GABRA5: variants seen among roughly 807,000 people sequenced by gnomAD.
The protein encoded by GABRA5 is gamma-aminobutyric acid type A receptor subunit alpha5.
In GABRA5, 18 loss-of-function variants were observed where a neutral mutation model predicts 47.3. That is an observed-to-expected ratio of 0.38 (90% CI 0.26 to 0.56). The LOEUF (loss-of-function observed/expected upper bound fraction) is 0.56. GABRA5 is among the 20% of genes least tolerant of loss of function. The pLI, the probability that GABRA5 is intolerant of heterozygous loss-of-function variation, is 0.71. For synonymous variants in GABRA5, 237 were observed against 229.3 expected (o/e 1.03, Z -0.30); for missense variants, 365 against 599.3 (o/e 0.61, Z 4.08).
chr15:26,902,676 T>A (rs1238712160), intron 6 of GABRA5, among the ~76,000 whole-genome samples: 1 of 152,126 alleles, frequency 6.6e-6, no homozygotes, highest in East Asian at 1.9e-4. Context: ...TTCAGTATAA[T>A]GTGGAAAGGG....
intron 7 of GABRA5, among the ~76,000 whole-genome samples, chr15:26,920,312 G>C (rs181420237): frequency 3.4e-4 from 51 of 150,346 alleles, no homozygotes; most frequent in African/African-American, 9.3e-4. Context: ...TCTTCTTCTT[G>C]CTCCTCTGAC....
At chr15:26,938,946 A>C (rs1429358740) in intron 8 of GABRA5, among the ~76,000 whole-genome samples, 1 of 152,206 alleles carries the variant, frequency 6.6e-6, no homozygotes, top group African/African-American at 2.4e-5. Context: ...TCAGACTCTA[A>C]TGTCCCAACA....
intron 6 of GABRA5, among the ~76,000 whole-genome samples, chr15:26,913,405 C>T (rs1357435671): frequency 1.3e-5 from 2 of 152,126 alleles, no homozygotes; most frequent in Non-Finnish European, 2.9e-5. Context: ...ATTGACTCCT[C>T]AGTCTGCAAT....
In GABRA5 at chr15:26,939,935, A is replaced by C. The variant is rs758442427; in HGVS notation, c.735A>C (p.Thr245=). 8 of 1,613,998 alleles carry C rather than the reference A, an allele frequency of 5.0e-6. No individual in the cohort carries two copies. In the East Asian group the frequency reaches 6.7e-5, roughly 13 times the overall value. The part of the protein sequence containing the change: ...ENISTSTGEY[T]IMTAHFHLKR... Reference sequence around the variant, plus strand: ...TTTGCTTATTTGCAGGCGAATACACAATCATGACAGCTCACTTCCACCTGA... The same window carrying C: ...TTTGCTTATTTGCAGGCGAATACACCATCATGACAGCTCACTTCCACCTGA... The change falls in exon 9 of 11, where the codon ACA becomes ACC. Residue 245 remains threonine (T), a synonymous_variant. Coordinates refer to ENST00000335625, the MANE Select transcript of GABRA5 (RefSeq NM_000810.4).
At chr15:26,911,165 G>A (rs1219852057) in intron 6 of GABRA5, among the ~76,000 whole-genome samples, 1 of 76,076 alleles carries the variant, frequency 1.3e-5, no homozygotes, top group Non-Finnish European at 2.8e-5. Flanking sequence ...ACTTTCCTGA[G>A]GTTTAGAATT....
chr15:26,899,874 T>A (rs1334626984), intron 6 of GABRA5, among the ~76,000 whole-genome samples: 1 of 152,150 alleles, frequency 6.6e-6, no homozygotes, highest in Non-Finnish European at 1.5e-5. Flanking sequence ...AAGTATTTAG[T>A]CCATTTACAT....
At chr15:26,894,355 C>T (rs1395612242) in intron 6 of GABRA5, among the ~76,000 whole-genome samples, 1 of 152,182 alleles carries the variant, frequency 6.6e-6, no homozygotes, top group East Asian at 1.9e-4. Context: ...CGCGCCTGCA[C>T]CCAGCGTCTG....
chr15:26,919,048 C>T (rs1893780580), intron 7 of GABRA5, among the ~76,000 whole-genome samples: 2 of 152,070 alleles, frequency 1.3e-5, no homozygotes, highest in Non-Finnish European at 1.5e-5. Context: ...GAGGATGAGG[C>T]AGAAGGATCA....
chr15:26,874,351 A>G (rs1318399789), intron 3 of GABRA5, among the ~76,000 whole-genome samples: 2 of 152,124 alleles, frequency 1.3e-5, no homozygotes, highest in Non-Finnish European at 2.9e-5. Flanking sequence ...AATTTACACA[A>G]AATTCTTGAT....
At chr15:26,904,511 T>G (rs1054818309) in intron 6 of GABRA5, among the ~76,000 whole-genome samples, 1 of 152,126 alleles carries the variant, frequency 6.6e-6, no homozygotes, top group African/African-American at 2.4e-5. Context: ...ATGTCATTGG[T>G]AGGTTGATAG....
chr15:26,946,387 CCTCT>C (rs561563565), intron 10 of GABRA5, among the ~76,000 whole-genome samples: 8 of 151,778 alleles, frequency 5.3e-5, no homozygotes, highest in East Asian at 3.9e-4. Flanking sequence ...CCACCTGTCA[CCTCT>C]CTCTCTATCT....
intron 1 of GABRA5, chr15:26,868,103 A>G (rs1892367186): frequency 6.6e-6 from 1 of 151,742 alleles, no homozygotes; most frequent in Non-Finnish European, 1.5e-5. Flanking sequence ...GGCCCTGGTG[A>G]GCCTCTGTGG....
rs566358744 is a variant in GABRA5 at position 26,897,045 on chromosome 15, C to G, written c.497+13488C>G. Reference sequence around the variant, plus strand: ...TGTAGAGATGTAGATTTTTACATCTCTAGATGTAAACACATTTACAACACA... The same window carrying G: ...TGTAGAGATGTAGATTTTTACATCTGTAGATGTAAACACATTTACAACACA... On this transcript the variant is annotated intron_variant, in intron 6 of 10. Coordinates refer to ENST00000335625, the MANE Select transcript of GABRA5 (RefSeq NM_000810.4). Among the ~76,000 whole-genome samples the G allele has an allele frequency of 2.0e-5, 3 of 150,600 alleles. No individual in the cohort carries two copies. In the East Asian group the frequency reaches 5.9e-4, roughly 29 times the overall value.
chr15:26,919,553 A>G (rs1893795092), intron 7 of GABRA5, among the ~76,000 whole-genome samples: 1 of 152,078 alleles, frequency 6.6e-6, no homozygotes, highest in Admixed American at 6.5e-5. Flanking sequence ...ATCCATTTAT[A>G]TTGTGCATCA....
chr15:26,945,950 A>C (rs1446330108), intron 10 of GABRA5, among the ~76,000 whole-genome samples: 1 of 152,048 alleles, frequency 6.6e-6, no homozygotes, highest in African/African-American at 2.4e-5. Flanking sequence ...ACTCACATGT[A>C]TGGATTTCTT....
chr15:26,895,453 G>T (rs897773193), intron 6 of GABRA5, among the ~76,000 whole-genome samples: 1 of 152,012 alleles, frequency 6.6e-6, no homozygotes, highest in Non-Finnish European at 1.5e-5. Context: ...TGTGACTTGG[G>T]AGAAGTTATC....
At chr15:26,912,121 C>T (rs977100614) in intron 6 of GABRA5, among the ~76,000 whole-genome samples, 7 of 152,160 alleles carry the variant, frequency 4.6e-5, no homozygotes, top group African/African-American at 4.8e-5. Flanking sequence ...AGGCCACAGG[C>T]GATCGCAAAG....
chr15:26,947,384 G>A (rs1894535944), intron 10 of GABRA5, among the ~76,000 whole-genome samples: 1 of 151,760 alleles, frequency 6.6e-6, no homozygotes, highest in African/African-American at 2.4e-5. Context: ...CCCAATGTCT[G>A]TTGTTCCTCT....
intron 6 of GABRA5, among the ~76,000 whole-genome samples, chr15:26,899,016 C>T (rs1379649005): frequency 6.6e-6 from 1 of 152,070 alleles, no homozygotes; most frequent in East Asian, 1.9e-4. Flanking sequence ...GCACATGACA[C>T]CATGCCCAGC....
Sources: gnomAD v4.1 joint callset for allele counts (sites outside exome capture counted in the v4.1 genomes callset) on GRCh38, gnomAD v4.1.1 for gene constraint, MANE v1.5 for transcripts, NCBI Gene and HGNC (gene_info 2026-07-23, HGNC 2026-07-21) for gene names.